The following TPST2 variants were observed in gnomAD, a reference collection of about 807,000 sequenced individuals.
TPST2 encodes the protein protein-tyrosine sulfotransferase 2.
A neutral mutation model predicts 27.8 loss-of-function variants in TPST2; 16 were observed. That is an observed-to-expected ratio of 0.58 (90% CI 0.39 to 0.88). The LOEUF (loss-of-function observed/expected upper bound fraction) is 0.88. TPST2 is among the 40% of genes least tolerant of loss of function. TPST2 has a pLI of 0.00. For synonymous variants in TPST2, 229 were observed against 231.7 expected (o/e 0.99, Z 0.10); for missense variants, 464 against 543.1 (o/e 0.85, Z 1.45).
chr22:26,550,127 TG>T (rs767896519), intron 1 of TPST2, among the ~76,000 whole-genome samples: 3 of 151,740 alleles, frequency 2.0e-5, no homozygotes, highest in Non-Finnish European at 4.4e-5. Context: ...GAAATGTCCC[TG>T]GAAGGGAGGG....
chr22:26,580,355 C>T (rs1928050884), intron 1 of TPST2, among the ~76,000 whole-genome samples: 1 of 152,222 alleles, frequency 6.6e-6, no homozygotes, highest in Admixed American at 6.5e-5. Flanking sequence ...ACCTACATCC[C>T]TGCACCCACA....
chr22:26,570,286 C>A (rs941146848), intron 1 of TPST2, among the ~76,000 whole-genome samples: 1 of 152,008 alleles, frequency 6.6e-6, no homozygotes, highest in East Asian at 1.9e-4. Flanking sequence ...CGGTCCTGGG[C>A]GCCAGGAACT....
intron 1 of TPST2, among the ~76,000 whole-genome samples, chr22:26,578,903 G>A (rs1927974706): frequency 6.7e-6 from 1 of 149,706 alleles, no homozygotes; most frequent in Non-Finnish European, 1.5e-5. Flanking sequence ...CCAGGCTAGA[G>A]TGCAGTGGCG....
At chr22:26,569,778 T>G (rs1317157076) in intron 1 of TPST2, among the ~76,000 whole-genome samples, 1 of 151,704 alleles carries the variant, frequency 6.6e-6, no homozygotes, top group Non-Finnish European at 1.5e-5. Flanking sequence ...GGTAAAACCC[T>G]GTTTCTACTA....
In TPST2 at chr22:26,544,604, C is replaced by T; in HGVS notation, c.-89G>A. The T allele has an allele frequency of 1.0e-6, 1 of 985,930 alleles. No individual in the cohort carries two copies. The highest frequency in any genetic ancestry group is 1.2e-6 in the Non-Finnish European group (1 of 829,976). 61.1% of individuals were successfully genotyped at this position (985,930 alleles called of 1,614,324 possible). A position where few individuals can be genotyped will look rare whatever the true frequency, so the allele number is the denominator to read the frequency against. ...GGAAGTTCCTTCTAGGTGCACTTAC[C>T]TCCCTTGGGCACTCTCATCTCTGGG... On this transcript the variant is annotated splice_region_variant and 5_prime_UTR_variant, in exon 2 of 7. Transcript: ENST00000338754.
chr22:26,565,383 C>G (rs1054212103), intron 1 of TPST2: 2 of 152,310 alleles, frequency 1.3e-5, no homozygotes, highest in South Asian at 2.1e-4. Flanking sequence ...GATCAGTCAG[C>G]CTTGCGATGG....
intron 2 of TPST2, among the ~76,000 whole-genome samples, chr22:26,542,074 T>C (rs144964319): frequency 0.011 from 1,597 of 151,738 alleles, 15 homozygotes; most frequent in South Asian, 0.02. Context: ...ATATCCCATC[T>C]CTACTAAAAT....
chr22:26,553,559 C>T lies in TPST2; in HGVS notation c.-160-8884G>A, dbSNP rs140594030. On this transcript the variant is annotated intron_variant, in intron 1 of 6. Coordinates refer to ENST00000338754, the MANE Select transcript of TPST2 (RefSeq NM_003595.5). ...AGTTAATTTTTTATTTTTGTGGAGA[C>T]GGGGTCTCACTATGTTGCCCAGGCC... Among the ~76,000 whole-genome samples, 306 of 152,028 alleles carry T rather than the reference C, an allele frequency of 2.0e-3. 4 individuals are homozygous for T. In the East Asian group the frequency reaches 0.053, roughly 26 times the overall value.
intron 1 of TPST2, 117 bp downstream of exon 1, chr22:26,589,936 C>G (rs1451839673): frequency 6.6e-6 from 1 of 151,936 alleles, no homozygotes; most frequent in African/African-American, 2.4e-5. Flanking sequence ...GCGCCGGGCC[C>G]GGAGGCAGCC....
chr22:26,539,230 G>C (rs1269216167), intron 3 of TPST2, among the ~76,000 whole-genome samples: 1 of 152,114 alleles, frequency 6.6e-6, no homozygotes, highest in Non-Finnish European at 1.5e-5. Context: ...ACCAGCCATG[G>C]GAAGGACCAG....
chr22:26,561,756 C>A (rs564119275), intron 1 of TPST2, among the ~76,000 whole-genome samples: 1 of 152,110 alleles, frequency 6.6e-6, no homozygotes, highest in Non-Finnish European at 1.5e-5. Context: ...ACATGGAATG[C>A]TATCCCAGCA....
At chr22:26,568,982 G>C (rs1257530514) in intron 1 of TPST2, among the ~76,000 whole-genome samples, 2 of 150,110 alleles carry the variant, frequency 1.3e-5, no homozygotes, top group Middle Eastern at 3.5e-3. Flanking sequence ...TCCTGCCTCA[G>C]CCTCCCGAGT....
At chr22:26,577,968 AG>A (rs1927924360) in intron 1 of TPST2, among the ~76,000 whole-genome samples, 1 of 152,146 alleles carries the variant, frequency 6.6e-6, no homozygotes, top group African/African-American at 2.4e-5. Context: ...TTCATTTCTT[AG>A]ATCTCACCCA....
intron 1 of TPST2, among the ~76,000 whole-genome samples, chr22:26,576,158 G>A (rs2147236032): frequency 6.6e-6 from 1 of 152,292 alleles, no homozygotes; most frequent in African/African-American, 2.4e-5. Flanking sequence ...GGAGTGCTAA[G>A]TTCACACTCT....
intron 1 of TPST2, among the ~76,000 whole-genome samples, chr22:26,575,593 T>C (rs1319145748): frequency 2.0e-5 from 3 of 152,200 alleles, no homozygotes; most frequent in South Asian, 4.1e-4. Context: ...ATTCCCGGCA[T>C]CCGGCATAGA....
rs1490840929 is a variant in TPST2, at chr22:26,536,473, T to C, written c.856A>G (p.Thr286Ala). The change falls in exon 4 of 7, where the codon ACG (threonine) becomes GCG (alanine). Residue 286 changes from threonine to alanine, a missense_variant. Transcript: ENST00000338754. ...TTAACAGGCTTGATGACCTGGTCCG[T>C]GGACCGCTCGATCCTGGGGAGAGAG... ...GVSLSKIERS[T>A]DQVIKPVNLE... 2.6e-6 allele frequency: 4 copies of C among 1,536,898 alleles called. No homozygotes were observed. Among genetic ancestry groups the C allele is most frequent in the Non-Finnish European group, 3.5e-6 (4 of 1,141,772 alleles).
intron 1 of TPST2, among the ~76,000 whole-genome samples, chr22:26,552,374 C>T (rs1038888058): frequency 2.0e-5 from 3 of 152,094 alleles, no homozygotes; most frequent in Non-Finnish European, 2.9e-5. Flanking sequence ...AGGGTGGGCG[C>T]TATTATTAGC....
In TPST2 at chr22:26,546,010, G is replaced by A. The variant is rs1286304715; in HGVS notation, c.-160-1335C>T. 4.0e-5 allele frequency among the ~76,000 whole-genome samples: 6 copies of A among 151,046 alleles called. No homozygotes were observed. In the South Asian group the frequency reaches 6.3e-4, roughly 16 times the overall value. The stretch of plus-strand genomic sequence containing the variant: ...GAGGATTGCTGAAGCCCAGGAGGTC[G>A]AGGCTGCAGCGAGCTGTGATTGCAT... On this transcript the variant is annotated intron_variant, in intron 1 of 6. Transcript: ENST00000338754.
At chr22:26,568,440 AG>A (rs1927462465) in intron 1 of TPST2, among the ~76,000 whole-genome samples, 1 of 152,242 alleles carries the variant, frequency 6.6e-6, no homozygotes, top group South Asian at 2.1e-4. Flanking sequence ...GGAAGTCAGC[AG>A]GACTGCTTTC....
Sources: gnomAD v4.1 joint callset for allele counts (sites outside exome capture counted in the v4.1 genomes callset) on GRCh38, gnomAD v4.1.1 for gene constraint, MANE v1.5 for transcripts, NCBI Gene and HGNC (gene_info 2026-07-23, HGNC 2026-07-21) for gene names.